Variants in NOL10 observed in about 807,000 individuals in gnomAD.
NOL10 encodes the protein H_NH0074G24.1.
NOL10 carries 58 observed loss-of-function variants against 103.5 expected under a neutral mutation model. The ratio of observed to expected loss-of-function variants is 0.56; its 90% CI spans 0.45 to 0.70. The LOEUF (loss-of-function observed/expected upper bound fraction) is 0.70. NOL10 is among the 30% of genes least tolerant of loss of function. The pLI, the probability that NOL10 is intolerant of heterozygous loss-of-function variation, is 0.00. For missense variants in NOL10, 763 were observed against 807.3 expected, an observed-to-expected ratio of 0.95 and a Z score of 0.67; for synonymous variants, 287 against 282.5, an observed-to-expected ratio of 1.02 and a Z score of -0.16.
At chr2:10,631,105 T>C (rs980877997) in intron 13 of NOL10, among the ~76,000 whole-genome samples, 1 of 152,208 alleles carries the variant, frequency 6.6e-6, no homozygotes, top group Non-Finnish European at 1.5e-5. Context: ...ATCTATCATT[T>C]TTAGGATTCT....
At chr2:10,609,919 T>G (rs1330098693) in intron 13 of NOL10, among the ~76,000 whole-genome samples, 1 of 152,188 alleles carries the variant, frequency 6.6e-6, no homozygotes, top group African/African-American at 2.4e-5. Flanking sequence ...GCCTGCCAAA[T>G]AGTAGGTGCT....
rs149157534 is a variant in NOL10 at position 10,683,379 on chromosome 2, A to G, written c.112+1188T>C. 4.3e-3 allele frequency among the ~76,000 whole-genome samples: 654 copies of G among 152,354 alleles called. 18 individuals carry two copies. Among genetic ancestry groups the G allele is most frequent in the Admixed American group, 0.039 (591 of 15,298 alleles). On this transcript the variant is annotated intron_variant, in intron 2 of 20. Transcript: ENST00000381685. ...CAATCACCTTTAACTGTTCAGATTC[A>G]TAAACCCTACATGTAAAATTCCTTT...
intron 13 of NOL10, among the ~76,000 whole-genome samples, chr2:10,638,585 A>G (rs1678473861): frequency 7.4e-6 from 1 of 134,724 alleles, no homozygotes; most frequent in Admixed American, 9.0e-5. Flanking sequence ...TCCGCTTCCC[A>G]GGTTCAAGCA....
chr2:10,613,964 ATTT>A (rs1553301420), intron 13 of NOL10, among the ~76,000 whole-genome samples: 1 of 132,432 alleles, frequency 7.6e-6, no homozygotes, highest in African/African-American at 2.6e-5. Context: ...CCCCATTAGA[ATTT>A]TTTTTTTTTT....
At chr2:10,624,699 A>G (rs1036120650) in intron 13 of NOL10, among the ~76,000 whole-genome samples, 1 of 152,178 alleles carries the variant, frequency 6.6e-6, no homozygotes, top group Non-Finnish European at 1.5e-5. Context: ...TATGGGCACT[A>G]TGGAGGACCA....
At chr2:10,629,118 C>T (rs531721711) in intron 13 of NOL10, among the ~76,000 whole-genome samples, 1 of 150,164 alleles carries the variant, frequency 6.7e-6, no homozygotes, top group Admixed American at 6.7e-5. Context: ...CCTCCCTCCC[C>T]CCACCACCCC....
At chr2:10,604,959 T>C (rs565858454) in intron 14 of NOL10, 46 of 152,354 alleles carry the variant, frequency 3.0e-4, no homozygotes, top group African/African-American at 1.1e-3. Context: ...TAACTGTGCT[T>C]AACCTAGCAT....
At chr2:10,610,176 A>T (rs1205142167) in intron 13 of NOL10, among the ~76,000 whole-genome samples, 1 of 152,228 alleles carries the variant, frequency 6.6e-6, no homozygotes, top group Non-Finnish European at 1.5e-5. Flanking sequence ...AGAACCTCAA[A>T]ATAAATTGTT....
intron 13 of NOL10, among the ~76,000 whole-genome samples, chr2:10,615,969 C>T (rs1647108004): frequency 6.6e-6 from 1 of 152,132 alleles, no homozygotes; most frequent in Non-Finnish European, 1.5e-5. Context: ...CAATTAATGG[C>T]AGTCTAGACA....
At chr2:10,689,635 C>T (rs994517983) in intron 1 of NOL10, among the ~76,000 whole-genome samples, 161 bp downstream of exon 1, 1 of 152,216 alleles carries the variant, frequency 6.6e-6, no homozygotes, top group African/African-American at 2.4e-5. Flanking sequence ...CCAATGCCGA[C>T]ACCTCCCCCG....
intron 17 of NOL10, among the ~76,000 whole-genome samples, chr2:10,591,504 CAA>C (rs1227066969): frequency 6.6e-6 from 1 of 151,928 alleles, no homozygotes; most frequent in East Asian, 1.9e-4. Context: ...GATGCAATTT[CAA>C]AACAATTTTT....
chr2:10,667,028 A>G (rs894283992), intron 8 of NOL10, among the ~76,000 whole-genome samples, 190 bp downstream of exon 8: 1 of 152,228 alleles, frequency 6.6e-6, no homozygotes, highest in Non-Finnish European at 1.5e-5. Flanking sequence ...TGATTCAAAG[A>G]TATTATCATT....
intron 13 of NOL10, among the ~76,000 whole-genome samples, chr2:10,642,542 C>T (rs1678769832): frequency 6.6e-6 from 1 of 152,156 alleles, no homozygotes; most frequent in Non-Finnish European, 1.5e-5. Context: ...TCACAAGACC[C>T]CTCCTAACCT....
At chr2:10,669,706 A>T (rs1473574067) in intron 6 of NOL10, among the ~76,000 whole-genome samples, 1 of 151,206 alleles carries the variant, frequency 6.6e-6, no homozygotes, top group East Asian at 2.0e-4. Flanking sequence ...ATCCTTGCCA[A>T]TATGGTGAAA....
chr2:10,664,737 T>C (rs747975195), intron 8 of NOL10, among the ~76,000 whole-genome samples: 1 of 152,334 alleles, frequency 6.6e-6, no homozygotes, highest in Middle Eastern at 3.4e-3. Flanking sequence ...GGTGTCGCCA[T>C]GTTGCCCAGG....
chr2:10,679,435 G>C (rs1399647739), intron 3 of NOL10, among the ~76,000 whole-genome samples: 1 of 151,900 alleles, frequency 6.6e-6, no homozygotes. Flanking sequence ...AGGAAGCTGA[G>C]GAAGGAGGAT....
chr2:10,665,050 C>T (rs932447030), intron 8 of NOL10, among the ~76,000 whole-genome samples: 2 of 152,100 alleles, frequency 1.3e-5, no homozygotes, highest in African/African-American at 4.8e-5. Flanking sequence ...ATATTAACTA[C>T]CTTAAAAGCA....
In NOL10 at chr2:10,575,368, G is replaced by A. The variant is rs553660302; in HGVS notation, c.1947+2268C>T. On this transcript the variant is annotated intron_variant, in intron 20 of 20. Coordinates refer to ENST00000381685, the MANE Select transcript of NOL10 (RefSeq NM_024894.4). ...ATATCTAACCTGCAGTATAAAAAGA[G>A]ACTTCTATGAACAACTGCCCGAATA... 7.0e-4 allele frequency among the ~76,000 whole-genome samples: 107 copies of A among 152,296 alleles called. 1 individual carries two copies. The highest frequency in any genetic ancestry group is 2.5e-3 in the African/African-American group (103 of 41,566).
chr2:10,572,210 G>A lies in NOL10; in HGVS notation c.1948-20C>T. On this transcript the variant is annotated intron_variant, in intron 20 of 20. Coordinates refer to ENST00000381685, the MANE Select transcript of NOL10 (RefSeq NM_024894.4). ...TTCAGACTAAAAGAGAAAATGAAAT[G>A]AGTAGAGGGAAAGAGAGAAAATTCT... 1 of 1,613,294 alleles carries A rather than the reference G, an allele frequency of 6.2e-7. No homozygotes were observed. The highest frequency in any genetic ancestry group is 8.5e-7 in the Non-Finnish European group (1 of 1,179,594).
Sources: gnomAD v4.1 joint callset for allele counts (sites outside exome capture counted in the v4.1 genomes callset) on GRCh38, gnomAD v4.1.1 for gene constraint, MANE v1.5 for transcripts, NCBI Gene and HGNC (gene_info 2026-07-23, HGNC 2026-07-21) for gene names.